The following HTRA1 variants were observed in gnomAD, a reference collection of about 807,000 sequenced individuals.
HTRA1 encodes HtrA serine peptidase 1.
In HTRA1, 26 loss-of-function variants were observed where a neutral mutation model predicts 49.7. The ratio of observed to expected loss-of-function variants is 0.52; its 90% CI spans 0.38 to 0.73. The LOEUF is 0.73. Ranked by LOEUF, HTRA1 falls within the 30% of genes least tolerant of loss-of-function variation. The probability of loss-of-function intolerance (pLI) is 0.00; values close to 1 mark genes in which losing one functional copy is unlikely to be tolerated. For missense variants in HTRA1, 561 were observed against 667.2 expected (o/e 0.84, Z 1.75); for synonymous variants, 291 against 286.9 (o/e 1.01, Z -0.14).
At chr10:122,489,978 C>T (rs2097495004) in intron 3 of HTRA1, among the ~76,000 whole-genome samples, 1 of 152,186 alleles carries the variant, frequency 6.6e-6, no homozygotes, top group African/African-American at 2.4e-5. Flanking sequence ...TATTTATCCT[C>T]CACAGATACA....
rs1565433840 is a variant in HTRA1 at position 122,506,722 on chromosome 10, C to T, written c.809C>T (p.Ser270Phe). Residue 270 changes from serine to phenylalanine, a missense_variant, in exon 4 of 9, where the codon TCC becomes TTC. Physicochemically the swap from Ser to Phe is radical, Grantham distance 155. Coordinates refer to ENST00000368984, the MANE Select transcript of HTRA1 (RefSeq NM_002775.5). This position sits in a 1 kb window ranked among gnomAD's most constrained non-coding sequence, Gnocchi z 5.2. ...CTGCCTGTCCTGCTGCTTGGCCGCT[C>T]CTCAGAGCTGCGGCCGGGAGAGTTC... ...GKLPVLLLGR[S>F]SELRPGEFVV... 2 of 1,613,538 alleles carry T rather than the reference C, an allele frequency of 1.2e-6. No individual in the cohort carries two copies. The highest frequency in any genetic ancestry group is 1.7e-6 in the Non-Finnish European group (2 of 1,180,006).
intron 1 of HTRA1, 24 bp downstream of exon 1, chr10:122,462,148 G>C (rs1478102327): frequency 8.6e-6 from 13 of 1,506,592 alleles, no homozygotes; most frequent in Non-Finnish European, 1.2e-5. Context: ...CTCCTGGGCA[G>C]CTCCCCACTC....
Position 122,506,673 on chromosome 10 carries a change from C to A in HTRA1, c.778-18C>A. The A allele has an allele frequency of 6.2e-7, 1 of 1,609,094 alleles. No homozygotes were observed. Among genetic ancestry groups the A allele is most frequent in the Non-Finnish European group, 8.5e-7 (1 of 1,178,588 alleles). On this transcript the variant is annotated intron_variant, in intron 3 of 8. Coordinates refer to ENST00000368984, the MANE Select transcript of HTRA1 (RefSeq NM_002775.5). The surrounding 1 kb of genome is among the most constrained non-coding windows in gnomAD (Gnocchi z 5.2). Reference sequence around the variant, plus strand: ...TTAAATTAAACCAACTCAGCAACGCCAGCCATTGTGGTTTCAGGGCAAGCT... The same window carrying A: ...TTAAATTAAACCAACTCAGCAACGCAAGCCATTGTGGTTTCAGGGCAAGCT...
At chr10:122,471,517 G>A (rs1271612463) in intron 1 of HTRA1, among the ~76,000 whole-genome samples, 1 of 152,158 alleles carries the variant, frequency 6.6e-6, no homozygotes, top group Non-Finnish European at 1.5e-5. Context: ...GTGGATGAAG[G>A]ACACCACTTT....
In HTRA1 at chr10:122,499,028, A is replaced by C. The variant is rs370921033; in HGVS notation, c.778-7663A>C. 4.0e-5 allele frequency among the ~76,000 whole-genome samples: 6 copies of C among 151,544 alleles called. No homozygotes were observed. In the Middle Eastern group the frequency reaches 0.017, roughly 432 times the overall value. On this transcript the variant is annotated intron_variant, in intron 3 of 8. Transcript: ENST00000368984. ...GGTTCCAGCTTGGGCACCGCTTAAC[A>C]TCTTGGTGGTGCAGGGATCAGGCTG...
intron 6 of HTRA1, among the ~76,000 whole-genome samples, chr10:122,509,758 G>A (rs1263467209): frequency 6.6e-6 from 1 of 152,170 alleles, no homozygotes; most frequent in Non-Finnish European, 1.5e-5. Flanking sequence ...AGACATGCTG[G>A]GGTCTCAGAC....
chr10:122,496,670 C>T (rs2097498888), intron 3 of HTRA1, among the ~76,000 whole-genome samples: 1 of 152,104 alleles, frequency 6.6e-6, no homozygotes, highest in Admixed American at 6.6e-5. Context: ...GGAATCTTAT[C>T]TGAGGGGGTG....
intron 1 of HTRA1, among the ~76,000 whole-genome samples, chr10:122,486,012 A>T (rs2097492951): frequency 1.3e-5 from 2 of 151,280 alleles, no homozygotes; most frequent in South Asian, 4.2e-4. Context: ...CCTTATTTAC[A>T]CCTCCCATTG....
Position 122,464,935 on chromosome 10 carries a change from G to C in HTRA1, c.472+2811G>C. The stretch of plus-strand genomic sequence containing the variant: ...ACACGGATCTGGAGACAGAGCTCTC[G>C]AGGCAGGAGCGGGTGCTGCGATTTC... On this transcript the variant is annotated intron_variant, in intron 1 of 8. Coordinates refer to ENST00000368984, the MANE Select transcript of HTRA1 (RefSeq NM_002775.5). This position sits in a 1 kb window ranked among gnomAD's most constrained non-coding sequence, Gnocchi z 4.8. Among the ~76,000 whole-genome samples the C allele has an allele frequency of 6.6e-6, 1 of 152,186 alleles. No homozygotes were observed. Among genetic ancestry groups the C allele is most frequent in the East Asian group, 1.9e-4 (1 of 5,184 alleles).
At chr10:122,507,460 T>G in intron 5 of HTRA1, 58 bp downstream of exon 5, 1 of 1,200,086 alleles carries the variant, frequency 8.3e-7, no homozygotes, top group Non-Finnish European at 1.2e-6. Context: ...TACGCTGTTT[T>G]TTGTTTGTTT....
chr10:122,502,306 G>A (rs886571773), intron 3 of HTRA1, among the ~76,000 whole-genome samples: 1 of 152,206 alleles, frequency 6.6e-6, no homozygotes, highest in Admixed American at 6.5e-5. Flanking sequence ...GCTGCTTGTT[G>A]TTGTCTGTTG....
At chr10:122,512,481 C>T (rs2097506078) in intron 8 of HTRA1, among the ~76,000 whole-genome samples, 2 of 152,150 alleles carry the variant, frequency 1.3e-5, no homozygotes, top group African/African-American at 4.8e-5. Context: ...CCATACCTGT[C>T]AACACCTCCA....
chr10:122,502,126 T>C (rs1480133066), intron 3 of HTRA1, among the ~76,000 whole-genome samples: 6 of 152,058 alleles, frequency 3.9e-5, no homozygotes, highest in African/African-American at 1.4e-4. Flanking sequence ...GTTTTCTTAC[T>C]GCTCTGTGTC....
chr10:122,489,047 G>A (rs997454778), intron 2 of HTRA1, 46 bp downstream of exon 2: 10 of 1,323,174 alleles, frequency 7.6e-6, no homozygotes, highest in Non-Finnish European at 1.1e-5. Flanking sequence ...AGCTTTCACC[G>A]CCACTAGCAA....
intron 1 of HTRA1, among the ~76,000 whole-genome samples, chr10:122,476,752 G>A (rs965167762): frequency 2.6e-5 from 4 of 152,056 alleles, no homozygotes; most frequent in South Asian, 2.1e-4. Flanking sequence ...TAAGGGGAGC[G>A]CTAGAGGGAT....
intron 1 of HTRA1, among the ~76,000 whole-genome samples, chr10:122,474,361 A>T (rs1029006307): frequency 3.9e-5 from 6 of 152,086 alleles, no homozygotes; most frequent in East Asian, 1.9e-4. Context: ...TTCCCCTCGC[A>T]TGGGGGCTGG....
At chr10:122,488,445 C>T (rs2097494064) in intron 1 of HTRA1, among the ~76,000 whole-genome samples, 1 of 152,208 alleles carries the variant, frequency 6.6e-6, no homozygotes, top group East Asian at 1.9e-4. Flanking sequence ...GCCTGTAATC[C>T]CAGTTACTCA....
intron 3 of HTRA1, among the ~76,000 whole-genome samples, chr10:122,502,695 C>T (rs1010743438): frequency 1.3e-5 from 2 of 152,144 alleles, no homozygotes; most frequent in Admixed American, 6.5e-5. Context: ...GCTTCCTGCT[C>T]CTGAGATTGT....
intron 1 of HTRA1, among the ~76,000 whole-genome samples, chr10:122,479,580 G>A (rs945804927): frequency 7.2e-5 from 11 of 152,120 alleles, no homozygotes; most frequent in Admixed American, 6.6e-4. Context: ...TAACATTGAA[G>A]GTTGGGTGGG....
Sources: gnomAD v4.1 joint callset for allele counts (sites outside exome capture counted in the v4.1 genomes callset) on GRCh38, gnomAD v4.1.1 for gene constraint, Gnocchi (gnomAD v3.1) non-coding constraint, MANE v1.5 for transcripts, NCBI Gene and HGNC (gene_info 2026-07-23, HGNC 2026-07-21) for gene names.